Variants in CSMD3 observed in about 807,000 individuals in gnomAD.
CSMD3 encodes CUB and sushi domain-containing protein 3.
Under a neutral mutation model 435.2 loss-of-function variants are expected in CSMD3, and 177 were observed. That is an observed-to-expected ratio of 0.41 (90% CI 0.36 to 0.46). The LOEUF (loss-of-function observed/expected upper bound fraction) is 0.46, where lower values mean the gene tolerates loss of function less well. CSMD3 is among the 20% of genes least tolerant of loss of function. The probability of loss-of-function intolerance (pLI) is 0.34; values close to 1 mark genes in which losing one functional copy is unlikely to be tolerated. For missense variants in CSMD3, 4,265 were observed against 4,504.6 expected, an observed-to-expected ratio of 0.95 and a Z score of 1.52; for synonymous variants, 1,656 against 1,520.5, an observed-to-expected ratio of 1.09 and a Z score of -2.07.
chr8:112,314,097 C>T (rs73700620), intron 48 of CSMD3, 45 bp from the exon 49 acceptor site: 1 of 1,423,588 alleles, frequency 7.0e-7, no homozygotes. Context: ...TAATTATATT[C>T]TCATTTGTCT....
At chr8:113,081,585 C>T (rs961349460) in intron 5 of CSMD3, among the ~76,000 whole-genome samples, 3 of 152,096 alleles carry the variant, frequency 2.0e-5, no homozygotes, top group Admixed American at 1.3e-4. Flanking sequence ...AGAGAGTTCA[C>T]GCTGGGTCTC....
chr8:112,847,898 A>G (rs916377743), intron 11 of CSMD3, among the ~76,000 whole-genome samples: 4 of 152,186 alleles, frequency 2.6e-5, no homozygotes, highest in African/African-American at 9.7e-5. Context: ...ATCTAAAGAA[A>G]AAACATGGGC....
chr8:112,250,181 A>T (rs888190020), intron 63 of CSMD3, among the ~76,000 whole-genome samples: 1 of 151,968 alleles, frequency 6.6e-6, no homozygotes, highest in Non-Finnish European at 1.5e-5. Context: ...TATAAGAAAT[A>T]TGTTGGACTA....
chr8:112,898,590 C>T (rs1415092860), intron 10 of CSMD3, among the ~76,000 whole-genome samples: 3 of 150,988 alleles, frequency 2.0e-5, no homozygotes, highest in Non-Finnish European at 4.5e-5. Flanking sequence ...AATAGTAGTG[C>T]TTATTTTCAC....
chr8:112,925,511 T>C (rs2082882241), intron 9 of CSMD3, among the ~76,000 whole-genome samples: 1 of 151,574 alleles, frequency 6.6e-6, no homozygotes, highest in African/African-American at 2.4e-5. Context: ...TGCAGTGAGC[T>C]GAGATCGCGC....
intron 51 of CSMD3, 68 bp downstream of exon 51, chr8:112,305,939 A>G: frequency 7.7e-7 from 1 of 1,291,088 alleles, no homozygotes; most frequent in Non-Finnish European, 1.1e-6. Flanking sequence ...ATTCTAAAAT[A>G]CATAAAATTT....
intron 35 of CSMD3, among the ~76,000 whole-genome samples, chr8:112,397,760 G>A (rs1382240178): frequency 6.6e-6 from 1 of 152,122 alleles, no homozygotes; most frequent in Non-Finnish European, 1.5e-5. Flanking sequence ...CATCTTATGG[G>A]TTAGGATTCT....
chr8:113,100,155 C>A (rs573406578), intron 4 of CSMD3, among the ~76,000 whole-genome samples: 39 of 152,100 alleles, frequency 2.6e-4, no homozygotes, highest in African/African-American at 8.2e-4. Flanking sequence ...TATCCATTTA[C>A]CTCCATAATC....
At chr8:112,944,648 CT>C (rs774841079) in intron 9 of CSMD3, among the ~76,000 whole-genome samples, 38 of 151,662 alleles carry the variant, frequency 2.5e-4, no homozygotes, top group Non-Finnish European at 5.2e-4. Context: ...TGAAATCACT[CT>C]TGTCAACAAC....
intron 45 of CSMD3, among the ~76,000 whole-genome samples, chr8:112,330,073 T>C (rs1427699590): frequency 1.3e-5 from 2 of 152,066 alleles, no homozygotes; most frequent in Non-Finnish European, 2.9e-5. Context: ...TTAGGTTATG[T>C]GAGGCAAAGG....
At position 112,750,174 on chromosome 8, in the gene CSMD3, G is replaced by A. The variant is rs138059310; in HGVS notation, c.1972+49988C>T. On this transcript the variant is annotated intron_variant, in intron 13 of 70. Transcript: ENST00000297405. Reference sequence around the variant, plus strand: ...TGGCATAAGAAGAGCTTTGTGTGACGTTAAGAAAGGAATTAGTAATTGTTC... The same window carrying A: ...TGGCATAAGAAGAGCTTTGTGTGACATTAAGAAAGGAATTAGTAATTGTTC... Among the ~76,000 whole-genome samples, 48 of 151,982 alleles carry A rather than the reference G, an allele frequency of 3.2e-4. No individual in the cohort carries two copies. In the East Asian group the frequency reaches 7.5e-3, roughly 24 times the overall value.
intron 1 of CSMD3, chr8:113,376,610 C>T: frequency 1.0e-6 from 1 of 1,001,020 alleles, no homozygotes. Flanking sequence ...TTTTAATCCT[C>T]ATCAAAAGAA....
rs184411307 is a variant in CSMD3, at chr8:112,710,349, C to T, written c.1973-20299G>A. 5.1e-4 allele frequency among the ~76,000 whole-genome samples: 77 copies of T among 152,170 alleles called. 2 individuals carry two copies. The highest frequency in any genetic ancestry group is 4.2e-3 in the Admixed American group (64 of 15,262). ...TGCTTGGCTATTTAAAAGGGTAACA[C>T]GTCTTTCTGGCTTTTCAATCTCTTT... On this transcript the variant is annotated intron_variant, in intron 13 of 70. Transcript: ENST00000297405.
intron 1 of CSMD3, among the ~76,000 whole-genome samples, chr8:113,416,242 T>C (rs1281985103): frequency 1.3e-5 from 2 of 152,120 alleles, no homozygotes; most frequent in African/African-American, 2.4e-5. Context: ...GATAGACTAC[T>C]GTGTGAAAAA....
chr8:112,314,523 T>C lies in CSMD3; in HGVS notation c.7455A>G (p.Ala2485=), dbSNP rs1351582236. ...AACCCTTTTCCACTGAAATGCTCCA[T>C]GCACACATTTGAAGATTTGGGTAAC... is the stretch of plus-strand genomic sequence containing the variant. ...PDSYPNLQMC[A]WSISVEKGYN... is the part of the protein sequence containing the mutation. Residue 2485 remains alanine (A), a synonymous_variant, in exon 48 of 71, where the codon GCA becomes GCG. Transcript: ENST00000297405. The C allele has an allele frequency of 8.1e-6, 13 of 1,611,430 alleles. No homozygotes were observed. Among genetic ancestry groups the C allele is most frequent in the Non-Finnish European group, 1.0e-5 (12 of 1,177,790 alleles).
chr8:113,410,135 C>T (rs2094551482), intron 1 of CSMD3, among the ~76,000 whole-genome samples: 1 of 152,004 alleles, frequency 6.6e-6, no homozygotes, highest in African/African-American at 2.4e-5. Context: ...AACACTCATA[C>T]TTGTAAGTTT....
intron 11 of CSMD3, among the ~76,000 whole-genome samples, chr8:112,840,845 A>G (rs965533385): frequency 6.6e-6 from 1 of 151,760 alleles, no homozygotes; most frequent in Non-Finnish European, 1.5e-5. Context: ...TATAACTTCT[A>G]TCTAAAAGCT....
At chr8:112,744,440 G>T (rs1201666187) in intron 13 of CSMD3, among the ~76,000 whole-genome samples, 1 of 151,912 alleles carries the variant, frequency 6.6e-6, no homozygotes, top group African/African-American at 2.4e-5. Context: ...AACATAGGAA[G>T]ACTTTTTTTG....
chr8:112,295,485 C>T (rs1820170252), intron 54 of CSMD3, among the ~76,000 whole-genome samples: 1 of 151,888 alleles, frequency 6.6e-6, no homozygotes, highest in African/African-American at 2.4e-5. Context: ...AGTAACAAAC[C>T]TTGATACAGC....
Sources: gnomAD v4.1 joint callset for allele counts (sites outside exome capture counted in the v4.1 genomes callset) on GRCh38, gnomAD v4.1.1 for gene constraint, MANE v1.5 for transcripts, NCBI Gene and HGNC (gene_info 2026-07-23, HGNC 2026-07-21) for gene names.